The following CEP250 variants were observed in gnomAD, a reference collection of about 807,000 sequenced individuals.
CEP250 encodes the protein centrosomal protein 250.
A neutral mutation model predicts 315.7 loss-of-function variants in CEP250; 242 were observed. The observed-to-expected ratio is 0.77, with a 90% CI of 0.69 to 0.85. The LOEUF is 0.85. CEP250 is among the 40% of genes least tolerant of loss of function. The pLI is 0.00. For synonymous variants in CEP250, 1,088 were observed against 1,175.0 expected, an observed-to-expected ratio of 0.93 and a Z score of 1.51; for missense variants, 2,515 against 2,886.4, an observed-to-expected ratio of 0.87 and a Z score of 2.95.
chr20:35,474,124 C>T (rs2063105113), intron 14 of CEP250, 72 bp downstream of exon 14: 2 of 1,264,550 alleles, frequency 1.6e-6, no homozygotes, highest in Non-Finnish European at 2.1e-6. Context: ...CGTCTACTCC[C>T]CTCTGTTACA....
chr20:35,477,767 G>T, intron 16 of CEP250, 104 bp from the exon 17 acceptor site: 1 of 898,224 alleles, frequency 1.1e-6, no homozygotes, highest in Non-Finnish European at 1.7e-6. Context: ...GTTCATCTTT[G>T]GAGAATAGAT....
intron 9 of CEP250, among the ~76,000 whole-genome samples, chr20:35,469,048 A>G (rs765181320): frequency 1.4e-4 from 21 of 152,172 alleles, no homozygotes; most frequent in Non-Finnish European, 3.1e-4. Context: ...TAGAGATGGT[A>G]TAGAATAAAA....
intron 14 of CEP250, 144 bp from the exon 15 acceptor site, chr20:35,475,358 G>T: frequency 1.2e-6 from 1 of 832,842 alleles, no homozygotes; most frequent in Non-Finnish European, 1.9e-6. Flanking sequence ...TTTTTCACTT[G>T]ACATGTCTTA....
intron 20 of CEP250, among the ~76,000 whole-genome samples, chr20:35,481,618 A>ATTT (rs199864664): frequency 6.5e-5 from 8 of 123,644 alleles, no homozygotes; most frequent in Admixed American, 4.0e-4. Flanking sequence ...TTCTATTCAG[A>ATTT]TTTTTTTTTT....
intron 20 of CEP250, among the ~76,000 whole-genome samples, chr20:35,485,714 A>G (rs1018579527): frequency 8.2e-6 from 1 of 122,608 alleles, no homozygotes; most frequent in Admixed American, 1.1e-4. Context: ...GCTACAGTGC[A>G]ATGGTACAAT....
chr20:35,467,145 A>G (rs1420426820), intron 8 of CEP250, 73 bp downstream of exon 8: 2 of 628,222 alleles, frequency 3.2e-6, no homozygotes, highest in Non-Finnish European at 5.0e-6. Context: ...GCTGCTATAG[A>G]AGCGGGATCA....
rs1273717139 is a variant in CEP250 at position 35,484,134 on chromosome 20, T to C, written c.2586+3989T>C. On this transcript the variant is annotated intron_variant, in intron 20 of 34. Transcript: ENST00000397527. ...TCATGGGCTTGTTTCCCTGTGTTTTTGTGATTCTTGTCTATGAGCATGTCT... is the reference window on the plus strand; with the variant it reads ...TCATGGGCTTGTTTCCCTGTGTTTTCGTGATTCTTGTCTATGAGCATGTCT... Among the ~76,000 whole-genome samples the C allele has an allele frequency of 6.6e-5, 10 of 152,300 alleles. No homozygotes were observed. The South Asian group carries it at 1.9e-3, about 28-fold the overall frequency.
Position 35,491,201 on chromosome 20 carries a change from C to T in CEP250, c.2755-11C>T, listed in dbSNP as rs2063680924. On this transcript the variant is annotated splice_polypyrimidine_tract_variant and intron_variant, in intron 21 of 34. Coordinates refer to ENST00000397527, the MANE Select transcript of CEP250 (RefSeq NM_007186.6). The stretch of plus-strand genomic sequence containing the variant: ...GAGCCCACAAGCTGTTACCCCCCTA[C>T]CCCTCCACAGATGCAGCTGGAAACA... 1.9e-6 allele frequency: 3 copies of T among 1,610,728 alleles called. No homozygotes were observed. The highest frequency in any genetic ancestry group is 2.5e-6 in the Non-Finnish European group (3 of 1,178,930).
Position 35,473,940 on chromosome 20 carries a change from T to G in CEP250, c.1459T>G (p.Trp487Gly), listed in dbSNP as rs1188163265. 6.2e-7 allele frequency: 1 copy of G among 1,612,424 alleles called. No individual in the cohort carries two copies. Among genetic ancestry groups the G allele is most frequent in the African/African-American group, 1.3e-5 (1 of 74,792 alleles). ...GCTGGAGGTGCTAGAGCAGGAGGCA[T>G]GGCGCCTGCGAAGGGTAAATGTGGA... ...QQLEVLEQEA[W>G]RLRRVNVELQ... Residue 487 changes from tryptophan (W) to glycine (G), a missense_variant, in exon 14 of 35, where the codon TGG becomes GGG. Transcript: ENST00000397527.
At chr20:35,463,738 T>C (rs1434132280) in intron 5 of CEP250, 107 bp downstream of exon 5, 2 of 775,930 alleles carry the variant, frequency 2.6e-6, no homozygotes, top group Non-Finnish European at 3.7e-6. Flanking sequence ...AGGTGTTTGG[T>C]GGAAGGCTCT....
At chr20:35,477,111 A>G (rs2063195562) in intron 16 of CEP250, among the ~76,000 whole-genome samples, 1 of 152,136 alleles carries the variant, frequency 6.6e-6, no homozygotes, top group African/African-American at 2.4e-5. Context: ...CCCGGGTTCA[A>G]GCAATTCTCT....
chr20:35,468,863 G>A (rs1354667668), intron 9 of CEP250, among the ~76,000 whole-genome samples: 4 of 152,058 alleles, frequency 2.6e-5, no homozygotes, highest in Admixed American at 6.6e-5. Context: ...TTTTTGTAGA[G>A]ACGGGGTCTC....
chr20:35,501,770 G>A (rs2064010237), intron 28 of CEP250, 75 bp from the exon 29 acceptor site: 2 of 1,468,574 alleles, frequency 1.4e-6, no homozygotes, highest in Admixed American at 4.5e-5. Context: ...TCCTCCATCT[G>A]CCTCTATATC....
rs1184983461 is a variant in CEP250 at position 35,503,989 on chromosome 20, G to T, written c.5620G>T (p.Glu1874Ter). 6.2e-7 allele frequency: 1 copy of T among 1,610,318 alleles called. No individual in the cohort carries two copies. Among genetic ancestry groups the T allele is most frequent in the Non-Finnish European group, 8.5e-7 (1 of 1,177,676 alleles). ...GGAACAGGCACGAAGGCTGGAGGAA[G>T]AGCTGGCAGTGGAGGGACGGCGGGT... The part of the protein sequence containing the change: ...HKEQARRLEE[E>*]LAVEGRRVQA... Residue 1874 changes from glutamate to a stop codon, truncating the protein, a stop_gained, in exon 30 of 35, where the codon GAG becomes TAG. Coordinates refer to ENST00000397527, the MANE Select transcript of CEP250 (RefSeq NM_007186.6). LOFTEE classifies it high-confidence loss of function. This position sits in a 1 kb window ranked among gnomAD's most constrained non-coding sequence, Gnocchi z 4.2.
intron 22 of CEP250, among the ~76,000 whole-genome samples, chr20:35,491,917 A>AG (rs2063708784): frequency 6.6e-6 from 1 of 151,488 alleles, no homozygotes; most frequent in Non-Finnish European, 1.5e-5. Context: ...AAAAAAAAAA[A>AG]AGGTGTGGCA....
At chr20:35,474,723 G>A in intron 14 of CEP250, 1 of 463,254 alleles carries the variant, frequency 2.2e-6, no homozygotes. Flanking sequence ...CTAGGCAGAA[G>A]CTTAGTTTAA....
chr20:35,500,356 G>A (rs908687587), intron 28 of CEP250, among the ~76,000 whole-genome samples, 187 bp downstream of exon 28: 39 of 152,298 alleles, frequency 2.6e-4, no homozygotes, highest in Non-Finnish European at 4.9e-4. Flanking sequence ...TATGTCTTCC[G>A]AGCAGCTAGG....
At chr20:35,473,328 C>T (rs1406967296) in intron 12 of CEP250, 46 bp from the exon 13 acceptor site, 14 of 1,554,256 alleles carry the variant, frequency 9.0e-6, no homozygotes, top group Non-Finnish European at 1.1e-5. Context: ...GACATCCCTC[C>T]TTTGCCCTTG....
chr20:35,475,711 GC>G, intron 15 of CEP250, 65 bp downstream of exon 15: 1 of 1,547,020 alleles, frequency 6.5e-7, no homozygotes, highest in Non-Finnish European at 8.8e-7. Context: ...CATGCAGCCT[GC>G]CTCATTCTTC....
Sources: gnomAD v4.1 joint callset for allele counts (sites outside exome capture counted in the v4.1 genomes callset) on GRCh38, gnomAD v4.1.1 for gene constraint, Gnocchi (gnomAD v3.1) non-coding constraint, MANE v1.5 for transcripts, NCBI Gene and HGNC (gene_info 2026-07-23, HGNC 2026-07-21) for gene names.